Variants in CLVS1 observed in about 807,000 individuals in gnomAD.
CLVS1 encodes clavesin-1.
A neutral mutation model predicts 33.1 loss-of-function variants in CLVS1; 10 were observed. The ratio of observed to expected loss-of-function variants is 0.30; its 90% confidence interval spans 0.19 to 0.51. The LOEUF (loss-of-function observed/expected upper bound fraction) is 0.51, where lower values mean the gene tolerates loss of function less well. CLVS1 is among the 20% of genes least tolerant of loss of function. The pLI is 0.97. For missense variants in CLVS1, 343 were observed against 433.4 expected (o/e 0.79, Z 1.85); for synonymous variants, 163 against 166.1 (o/e 0.98, Z 0.14).
intron 2 of CLVS1, among the ~76,000 whole-genome samples, chr8:61,181,884 G>A (rs1397258429): frequency 6.6e-6 from 1 of 151,742 alleles, no homozygotes; most frequent in African/African-American, 2.4e-5. Context: ...GTATTTTTTA[G>A]TAGAGATGGG....
At chr8:60,979,714 T>A in the CLVS1 span, among the ~76,000 whole-genome samples, 1 of 152,260 alleles carries the variant, frequency 6.6e-6, no homozygotes, top group South Asian at 2.1e-4. Context: ...AGAAAGACAG[T>A]TTTGTGAATA....
chr8:61,044,355 T>C, the CLVS1 span, among the ~76,000 whole-genome samples: 1 of 152,182 alleles, frequency 6.6e-6, no homozygotes, highest in Non-Finnish European at 1.5e-5. Flanking sequence ...GTAATATCAA[T>C]TGACCACATG....
the CLVS1 span, among the ~76,000 whole-genome samples, chr8:60,978,503 C>T: frequency 6.6e-5 from 10 of 152,010 alleles, no homozygotes; most frequent in African/African-American, 2.2e-4. Flanking sequence ...ATTGTAATCC[C>T]AAGGTAACCA....
chr8:61,130,240 A>AAAT (rs1806064987), intron 1 of CLVS1, among the ~76,000 whole-genome samples: 4 of 140,046 alleles, frequency 2.9e-5, no homozygotes, highest in Non-Finnish European at 6.1e-5. Flanking sequence ...TCTGTCTCAA[A>AAAT]AAATAAATAA....
At chr8:61,106,411 G>A (rs758792205) in intron 1 of CLVS1, among the ~76,000 whole-genome samples, 3 of 152,204 alleles carry the variant, frequency 2.0e-5, no homozygotes, top group Admixed American at 1.3e-4. Flanking sequence ...TTAAAGAAAC[G>A]TAGAATGAAA....
At chr8:61,160,721 C>A (rs11985596) in intron 2 of CLVS1, among the ~76,000 whole-genome samples, 13 of 151,882 alleles carry the variant, frequency 8.6e-5, no homozygotes, top group Non-Finnish European at 1.8e-4. Flanking sequence ...TTTGTTGAGT[C>A]CAGTTAAATA....
intron 5 of CLVS1, among the ~76,000 whole-genome samples, chr8:61,466,682 T>C (rs1279557403): frequency 1.3e-5 from 2 of 152,164 alleles, no homozygotes; most frequent in Non-Finnish European, 1.5e-5. Flanking sequence ...AGTTTTGCTC[T>C]TGTTGCCCAG....
At chr8:61,416,301 GCTAGATACATACATACATAC>G (rs778458332) in intron 3 of CLVS1, among the ~76,000 whole-genome samples, 42 of 137,210 alleles carry the variant, frequency 3.1e-4, no homozygotes, top group Non-Finnish European at 3.9e-4. Flanking sequence ...TAGCTAGCTA[GCTAGATACATACATACATAC>G]ATACATACAT....
chr8:61,133,397 T>G (rs1270442512), intron 2 of CLVS1, among the ~76,000 whole-genome samples: 1 of 151,828 alleles, frequency 6.6e-6, no homozygotes, highest in East Asian at 1.9e-4. Context: ...GGTATGGAAG[T>G]CCAGGAAGAA....
the CLVS1 span, among the ~76,000 whole-genome samples, chr8:60,975,208 G>A: frequency 1.8e-3 from 268 of 152,330 alleles, 3 homozygotes; most frequent in South Asian, 8.5e-3. Context: ...CAGTGCCACA[G>A]TTGAATGCCT....
rs573436702 is a variant in CLVS1 at position 61,451,798 on chromosome 8, A to AAC, written c.631-2329_631-2328dup. Among the ~76,000 whole-genome samples the AAC allele has an allele frequency of 1.7e-3, 249 of 146,454 alleles. 1 individual carries two copies. The highest frequency in any genetic ancestry group is 6.8e-3 in the Middle Eastern group (2 of 292). ...TTCCCTCACCTTCCCCTCTGTACAA[A>AAC]ACACACACACACACAGAGAGAGAGA... On this transcript the variant is annotated intron_variant, in intron 3 of 5. Transcript: ENST00000325897.
At chr8:61,392,450 A>G (rs989167833) in intron 3 of CLVS1, among the ~76,000 whole-genome samples, 4 of 152,242 alleles carry the variant, frequency 2.6e-5, no homozygotes, top group African/African-American at 9.6e-5. Context: ...TTACAAATCA[A>G]CTATAAATTA....
chr8:61,114,836 C>T (rs2129288815), intron 1 of CLVS1, among the ~76,000 whole-genome samples: 1 of 152,282 alleles, frequency 6.6e-6, no homozygotes, highest in East Asian at 1.9e-4. Context: ...ATACTACTCT[C>T]CTTCTATTTT....
At chr8:61,344,580 T>C (rs1410167608) in intron 2 of CLVS1, among the ~76,000 whole-genome samples, 1 of 152,204 alleles carries the variant, frequency 6.6e-6, no homozygotes, top group Non-Finnish European at 1.5e-5. Context: ...TTTAGCAATC[T>C]GCTCAGCCCT....
chr8:61,094,310 G>A (rs1019561547), intron 1 of CLVS1, among the ~76,000 whole-genome samples: 5 of 152,126 alleles, frequency 3.3e-5, no homozygotes, highest in East Asian at 3.9e-4. Flanking sequence ...AGGACTCGGG[G>A]CACTGACGCT....
chr8:60,975,955 A>G, the CLVS1 span, among the ~76,000 whole-genome samples: 2 of 152,180 alleles, frequency 1.3e-5, no homozygotes, highest in Non-Finnish European at 2.9e-5. Flanking sequence ...AGTACATACA[A>G]TAAGTACAAG....
chr8:61,189,156 C>A (rs557379447), intron 2 of CLVS1, among the ~76,000 whole-genome samples: 1 of 152,256 alleles, frequency 6.6e-6, no homozygotes, highest in South Asian at 2.1e-4. Context: ...GGAAGCCCAT[C>A]AGACTAACAG....
chr8:61,076,006 A>G (rs1804903249), intron 1 of CLVS1, among the ~76,000 whole-genome samples: 1 of 152,220 alleles, frequency 6.6e-6, no homozygotes. Context: ...TTAGAAAATA[A>G]TTTATCTCTC....
At chr8:61,443,874 T>C (rs751207282) in intron 3 of CLVS1, among the ~76,000 whole-genome samples, 3 of 152,156 alleles carry the variant, frequency 2.0e-5, no homozygotes, top group Non-Finnish European at 4.4e-5. Context: ...CAAACATATG[T>C]CTTCCATTTA....
Sources: allele counts gnomAD v4.1 joint callset (sites outside exome capture counted in the v4.1 genomes callset), GRCh38; gene constraint gnomAD v4.1.1; transcripts MANE v1.5; gene names NCBI Gene and HGNC (gene_info 2026-07-23, HGNC 2026-07-21).